The following KNTC1 variants were observed in gnomAD, a reference collection of about 807,000 sequenced individuals.
KNTC1 encodes the protein kinetochore-associated protein 1.
A neutral mutation model predicts 314.4 loss-of-function variants in KNTC1; 253 were observed. The observed-to-expected ratio is 0.80, with a 90% CI of 0.73 to 0.89. The LOEUF is 0.89. Ranked by LOEUF, KNTC1 falls within the 40% of genes least tolerant of loss-of-function variation. The pLI is 0.00. For synonymous variants in KNTC1, 901 were observed against 901.4 expected, an observed-to-expected ratio of 1.00 and a Z score of 0.01; for missense variants, 2,475 against 2,572.9, an observed-to-expected ratio of 0.96 and a Z score of 0.82.
At chr12:122,611,104 G>T (rs1188719001) in intron 53 of KNTC1, 2 of 572,380 alleles carry the variant, frequency 3.5e-6, no homozygotes, top group East Asian at 6.0e-5. Flanking sequence ...CATCTGCTTA[G>T]CGTGCTGAAT....
In KNTC1 at chr12:122,549,812, A is replaced by G; in HGVS notation, c.1034A>G (p.Tyr345Cys). 6.4e-7 allele frequency: 1 copy of G among 1,571,970 alleles called. No individual in the cohort carries two copies. Among genetic ancestry groups the G allele is most frequent in the Non-Finnish European group, 8.7e-7 (1 of 1,151,510 alleles). ...TCATTACCTACAATGGAAATACTATATTCTTTGGAAGTATCTAGTGTTTCT... is the reference window on the plus strand; with the variant it reads ...TCATTACCTACAATGGAAATACTATGTTCTTTGGAAGTATCTAGTGTTTCT... ...VYSLPTMEIL[Y>C]SLEVSSVSSL... The change falls in exon 13 of 64, where the codon TAT becomes TGT. Residue 345 changes from tyrosine (Y) to cysteine (C), a missense_variant. Coordinates refer to ENST00000333479, the MANE Select transcript of KNTC1 (RefSeq NM_014708.6).
intron 30 of KNTC1, among the ~76,000 whole-genome samples, 164 bp from the exon 31 acceptor site, chr12:122,577,508 G>T (rs1565977084): frequency 6.6e-6 from 1 of 152,032 alleles, no homozygotes; most frequent in African/African-American, 2.4e-5. Flanking sequence ...GAAACTTAAA[G>T]TAAAATAAAA....
intron 5 of KNTC1, among the ~76,000 whole-genome samples, chr12:122,541,057 C>T (rs1962267460): frequency 6.6e-6 from 1 of 151,974 alleles, no homozygotes; most frequent in South Asian, 2.1e-4. Flanking sequence ...TGTAGTCCCA[C>T]TTTCTCAGGA....
chr12:122,587,296 G>A (rs1400252835), intron 38 of KNTC1, among the ~76,000 whole-genome samples: 5 of 152,106 alleles, frequency 3.3e-5, no homozygotes, highest in Admixed American at 6.5e-5. Context: ...AAAAATCGTA[G>A]TTCTAGAAAT....
At position 122,601,624 on chromosome 12, in the gene KNTC1, A is replaced by G; in HGVS notation, c.4652A>G (p.Gln1551Arg). The G allele has an allele frequency of 6.7e-7, 1 of 1,494,274 alleles. No homozygotes were observed. Among genetic ancestry groups the G allele is most frequent in the Non-Finnish European group, 8.9e-7 (1 of 1,123,938 alleles). The allele number at this position is 1,494,274 out of a possible 1,614,324, so 92.6% of individuals were successfully genotyped here. A position where few individuals can be genotyped will look rare whatever the true frequency, so the allele number is the denominator to read the frequency against. ...AAGATAACCAATATTAATATTAATC[A>G]GGTATAACAAATATATCAAAGATGT... ...DEKITNININ[Q>R]ALSILKHLKS... The change falls in exon 45 of 64, where the codon CAG becomes CGG. Residue 1551 changes from glutamine to arginine, a missense_variant and splice_region_variant. Transcript: ENST00000333479.
At chr12:122,546,305 T>C (rs1187555771) in intron 9 of KNTC1, 36 bp downstream of exon 9, 1 of 1,237,900 alleles carries the variant, frequency 8.1e-7, no homozygotes, top group Non-Finnish European at 1.2e-6. Flanking sequence ...TAGACAATTA[T>C]TAGTGAGTTT....
intron 40 of KNTC1, among the ~76,000 whole-genome samples, chr12:122,589,471 GT>G (rs11352437): frequency 0.44 from 55,553 of 126,350 alleles, 10,367 homozygotes; most frequent in African/African-American, 0.64. Context: ...AAAAAATTGT[GT>G]TTTTTTTTTT....
At chr12:122,587,662 T>C (rs760039584) in intron 38 of KNTC1, 49 bp from the exon 39 acceptor site, 5 of 1,467,232 alleles carry the variant, frequency 3.4e-6, no homozygotes, top group Non-Finnish European at 3.7e-6. Flanking sequence ...TAATATGATC[T>C]TTCTTTGTTT....
intron 63 of KNTC1, among the ~76,000 whole-genome samples, chr12:122,625,812 G>GTTTTT (rs1176022539): frequency 3.3e-5 from 5 of 151,968 alleles, no homozygotes; most frequent in African/African-American, 9.7e-5. Context: ...TCATATTTTG[G>GTTTTT]TAGCTTTATT....
rs1871920729 is a variant in KNTC1 at position 122,601,626 on chromosome 12, G to T, written c.4653+1G>T. 2.5e-5 allele frequency: 37 copies of T among 1,490,038 alleles called. No homozygotes were observed. Among genetic ancestry groups the T allele is most frequent in the Non-Finnish European group, 3.0e-5 (34 of 1,121,944 alleles). The allele number at this position is 1,490,038 out of a possible 1,614,324, so 92.3% of individuals were successfully genotyped here. On this transcript the variant is annotated splice_donor_variant, in intron 45 of 63. Transcript: ENST00000333479. LOFTEE classifies it high-confidence loss of function. ...GATAACCAATATTAATATTAATCAG[G>T]TATAACAAATATATCAAAGATGTAA...
chr12:122,608,383 G>A (rs1243030653), intron 51 of KNTC1, among the ~76,000 whole-genome samples: 1 of 152,132 alleles, frequency 6.6e-6, no homozygotes, highest in Non-Finnish European at 1.5e-5. Flanking sequence ...ACCCACCTCG[G>A]CCTCCCAAAG....
At position 122,583,072 on chromosome 12, in the gene KNTC1, G is replaced by A. The variant is rs1158470969; in HGVS notation, c.3263+87G>A. On this transcript the variant is annotated intron_variant, in intron 34 of 63. Coordinates refer to ENST00000333479, the MANE Select transcript of KNTC1 (RefSeq NM_014708.6). ...CATACCTGTAATCCCAGCAATTTAGGAGGCCGAGGCAGGCGGATCACAAGG... is the reference window on the plus strand; with the variant it reads ...CATACCTGTAATCCCAGCAATTTAGAAGGCCGAGGCAGGCGGATCACAAGG... 4 of 1,245,070 alleles carry A rather than the reference G, an allele frequency of 3.2e-6. No homozygotes were observed. In the East Asian group the frequency reaches 7.3e-5, roughly 23 times the overall value. 77.1% of individuals were successfully genotyped at this position (1,245,070 alleles called of 1,614,324 possible). A position where few individuals can be genotyped will look rare whatever the true frequency, so the allele number is the denominator to read the frequency against.
In KNTC1 at chr12:122,546,642, A is replaced by G; in HGVS notation, c.784A>G (p.Ile262Val). 6.3e-7 allele frequency: 1 copy of G among 1,588,978 alleles called. No individual in the cohort carries two copies. The highest frequency in any genetic ancestry group is 1.1e-5 in the South Asian group (1 of 88,452). The change falls in exon 10 of 64, where the codon ATA (isoleucine) becomes GTA (valine). Residue 262 changes from isoleucine (I) to valine (V), a missense_variant. Physicochemically the swap from Ile to Val is conservative, Grantham distance 29. Coordinates refer to ENST00000333479, the MANE Select transcript of KNTC1 (RefSeq NM_014708.6). Reference protein sequence around the residue: ...IIKGAKKFQLIDNLLFVLDTD... With the variant: ...IIKGAKKFQLVDNLLFVLDTD... ...TGTAGGTGCAAAGAAGTTCCAGCTG[A>G]TAGACAATCTACTTTTTGTTCTTGA...
intron 32 of KNTC1, 88 bp from the exon 33 acceptor site, chr12:122,580,515 C>A (rs1345292674): frequency 2.6e-6 from 2 of 771,438 alleles, no homozygotes; most frequent in Admixed American, 2.4e-5. Context: ...GATGAGAGAA[C>A]CAAAGCTAAT....
chr12:122,604,744 C>A, intron 49 of KNTC1, 107 bp downstream of exon 49: 1 of 1,223,594 alleles, frequency 8.2e-7, no homozygotes, highest in Non-Finnish European at 1.2e-6. Flanking sequence ...AGAAGGAAGA[C>A]CAAGGCTTTA....
At position 122,539,710 on chromosome 12, in the gene KNTC1, G is replaced by A. The variant is rs774369312; in HGVS notation, c.401G>A (p.Arg134Gln). Residue 134 changes from arginine to glutamine, a missense_variant, in exon 5 of 64, where the codon CGG becomes CAG. Arg to Gln is a conservative substitution (Grantham distance 43). Transcript: ENST00000333479. ...CAGAAAGCTAACGATGAAAATCGGC[G>A]GACTTACCAGAATCTTGTCATTGAG... Reference protein sequence around the residue: ...FVQKANDENRRTYQNLVIEKD... With the variant: ...FVQKANDENRQTYQNLVIEKD... 29 of 1,581,846 alleles carry A rather than the reference G, an allele frequency of 1.8e-5. No individual in the cohort carries two copies. The highest frequency in any genetic ancestry group is 4.7e-5 in the South Asian group (4 of 85,574).
intron 21 of KNTC1, 115 bp downstream of exon 21, chr12:122,568,487 A>G (rs754234986): frequency 1.6e-5 from 12 of 738,732 alleles, no homozygotes; most frequent in Non-Finnish European, 2.7e-5. Flanking sequence ...ATGTTTTTTG[A>G]TTGGTTCTTA....
At chr12:122,602,997 C>T in intron 47 of KNTC1, 30 bp from the exon 48 acceptor site, 1 of 1,593,130 alleles carries the variant, frequency 6.3e-7, no homozygotes, top group Non-Finnish European at 8.6e-7. Context: ...TGAATATGTG[C>T]TTCAGCCATA....
chr12:122,558,628 C>G (rs1963762679), intron 18 of KNTC1, among the ~76,000 whole-genome samples: 1 of 151,920 alleles, frequency 6.6e-6, no homozygotes, highest in South Asian at 2.1e-4. Flanking sequence ...CCTGTAGTCC[C>G]AGTACTTAGG....
Sources: gnomAD v4.1 joint callset for allele counts (sites outside exome capture counted in the v4.1 genomes callset) on GRCh38, gnomAD v4.1.1 for gene constraint, MANE v1.5 for transcripts, NCBI Gene and HGNC (gene_info 2026-07-23, HGNC 2026-07-21) for gene names.